The following LMO3 variants were observed in gnomAD, a reference collection of about 807,000 sequenced individuals.
LMO3 encodes the protein LIM domain only protein 3.
Under a neutral mutation model 15.8 loss-of-function variants are expected in LMO3, and 2 were observed. That is an observed-to-expected ratio of 0.13 (90% confidence interval 0.05 to 0.40). The LOEUF is 0.40. Ranked by LOEUF, LMO3 falls within the 10% of genes least tolerant of loss-of-function variation. The pLI is 0.99. For missense variants in LMO3, 86 were observed against 182.2 expected, an observed-to-expected ratio of 0.47 and a Z score of 3.04; for synonymous variants, 62 against 63.8, an observed-to-expected ratio of 0.97 and a Z score of 0.13.
upstream of LMO3, chr12:16,608,403 T>G (rs1023253568): frequency 1.3e-5 from 2 of 152,174 alleles, no homozygotes; most frequent in African/African-American, 2.4e-5. This position sits in a 1 kb window ranked among gnomAD's most constrained non-coding sequence, Gnocchi z 4.1. Flanking sequence ...GGCAACTGAT[T>G]AGTGCATCTA....
chr12:16,569,714 T>A (rs1034420837), intron 2 of LMO3, among the ~76,000 whole-genome samples: 6 of 152,174 alleles, frequency 3.9e-5, no homozygotes, highest in Non-Finnish European at 8.8e-5. Flanking sequence ...ATAAAAGAAA[T>A]GTGTCAAGCT....
At position 16,587,610 on chromosome 12, in the gene LMO3, T is replaced by A. The variant is rs1011166302; in HGVS notation, c.206+13045A>T. Among the ~76,000 whole-genome samples, 1 of 152,082 alleles carries A rather than the reference T, an allele frequency of 6.6e-6. No individual in the cohort carries two copies. Among genetic ancestry groups the A allele is most frequent in the Non-Finnish European group, 1.5e-5 (1 of 68,012 alleles). On this transcript the variant is annotated intron_variant, in intron 2 of 3. Coordinates refer to ENST00000537304, the MANE Select transcript of LMO3 (RefSeq NM_018640.5). The surrounding 1 kb of genome is among the most constrained non-coding windows in gnomAD (Gnocchi z 4.3). ...TTTTCTTAAATTGTATTTCTGTCAG[T>A]GTATCATTTTTTTAAGCAATGGACC...
At position 16,559,183 on chromosome 12, in the gene LMO3, A is replaced by C. The variant is rs1265430639; in HGVS notation, c.332+1230T>G. Among the ~76,000 whole-genome samples, 1 of 152,224 alleles carries C rather than the reference A, an allele frequency of 6.6e-6. No individual in the cohort carries two copies. The highest frequency in any genetic ancestry group is 1.5e-5 in the Non-Finnish European group (1 of 68,034). On this transcript the variant is annotated intron_variant, in intron 3 of 3. Coordinates refer to ENST00000537304, the MANE Select transcript of LMO3 (RefSeq NM_018640.5). The surrounding 1 kb of genome is among the most constrained non-coding windows in gnomAD (Gnocchi z 4.1). ...AGGTGTTCTCACAGAAAGTCAGTGA[A>C]TTCATTTTCATTAAAATCTATCAAG...
chr12:16,607,694 T>C (rs1944043773), upstream of LMO3: 1 of 144,828 alleles, frequency 6.9e-6, no homozygotes, highest in South Asian at 2.2e-4. Context: ...TATTCAATTG[T>C]TGAACTACAA....
At position 16,598,891 on chromosome 12, in the gene LMO3, T is replaced by G. The variant is rs1321355854; in HGVS notation, c.206+1764A>C. The G allele has an allele frequency of 3.4e-6, 1 of 291,562 alleles. No homozygotes were observed. Among genetic ancestry groups the G allele is most frequent in the East Asian group, 9.2e-5 (1 of 10,874 alleles). 18.1% of individuals were successfully genotyped at this position (291,562 alleles called of 1,614,324 possible). Reference sequence around the variant, plus strand: ...AGTTTACTTAATTTTTGTCCTTTGGTTTATTAAAACACCTTAACATTGCCC... The same window carrying G: ...AGTTTACTTAATTTTTGTCCTTTGGGTTATTAAAACACCTTAACATTGCCC... On this transcript the variant is annotated intron_variant, in intron 2 of 3. Transcript: ENST00000537304. The surrounding 1 kb of genome is among the most constrained non-coding windows in gnomAD (Gnocchi z 4.3).
intron 2 of LMO3, among the ~76,000 whole-genome samples, chr12:16,579,223 G>A (rs966717924): frequency 2.6e-5 from 4 of 152,014 alleles, no homozygotes; most frequent in African/African-American, 7.3e-5. Context: ...TAGGGTAACC[G>A]TCATTAAATG....
intron 3 of LMO3, among the ~76,000 whole-genome samples, chr12:16,557,183 G>A (rs537448422): frequency 6.6e-6 from 1 of 152,142 alleles, no homozygotes; most frequent in Non-Finnish European, 1.5e-5. Flanking sequence ...GCACTTGAAT[G>A]TTTTTATTTT....
chr12:16,594,417 T>G (rs369390264), intron 2 of LMO3: 1 of 563,682 alleles, frequency 1.8e-6, no homozygotes, highest in East Asian at 2.9e-5. Flanking sequence ...ACCTAGCAAA[T>G]TGAACAGAGT....
In LMO3 at chr12:16,550,600, A is replaced by G. The variant is rs1340589811; in HGVS notation, c.*622T>C. ...TTTAACCCCCTGAAAATAGGGGGTTATAACAAGAACACTGATAGACTCTAA... is the reference window on the plus strand; with the variant it reads ...TTTAACCCCCTGAAAATAGGGGGTTGTAACAAGAACACTGATAGACTCTAA... On this transcript the variant is annotated 3_prime_UTR_variant, in exon 4 of 4. Coordinates refer to ENST00000537304, the MANE Select transcript of LMO3 (RefSeq NM_018640.5). 1 of 152,382 alleles carries G rather than the reference A, an allele frequency of 6.6e-6. No individual in the cohort carries two copies. The highest frequency in any genetic ancestry group is 1.9e-4 in the East Asian group (1 of 5,188). The allele number at this position is 152,382 out of a possible 1,614,324, so 9.4% of individuals were successfully genotyped here.
intron 2 of LMO3, among the ~76,000 whole-genome samples, chr12:16,573,006 C>G (rs1942867708): frequency 6.6e-6 from 1 of 151,402 alleles, no homozygotes; most frequent in African/African-American, 2.4e-5. Flanking sequence ...TAAAGGAGTG[C>G]AATTCTTAAA....
intron 2 of LMO3, among the ~76,000 whole-genome samples, chr12:16,570,307 C>T (rs915684313): frequency 2.6e-5 from 4 of 152,102 alleles, no homozygotes; most frequent in African/African-American, 9.6e-5. Flanking sequence ...TCATAATTAC[C>T]TTCTTTTCTA....
In LMO3 at chr12:16,584,773, A is replaced by G. The variant is rs1024495970; in HGVS notation, c.206+15882T>C. ...TCTCGCCTCACAAAGCAGTGCCAAG[A>G]CTCCTTGTTAGGCTGAAAGCTCCCA... On this transcript the variant is annotated intron_variant, in intron 2 of 3. Transcript: ENST00000537304. The surrounding 1 kb of genome is among the most constrained non-coding windows in gnomAD (Gnocchi z 5.2). 6.6e-6 allele frequency among the ~76,000 whole-genome samples: 1 copy of G among 151,970 alleles called. No homozygotes were observed. Among genetic ancestry groups the G allele is most frequent in the Non-Finnish European group, 1.5e-5 (1 of 67,988 alleles).
At chr12:16,595,188 TA>T (rs1943611243) in intron 2 of LMO3, among the ~76,000 whole-genome samples, 1 of 151,406 alleles carries the variant, frequency 6.6e-6, no homozygotes, top group Non-Finnish European at 1.5e-5. Context: ...AGAAACATTA[TA>T]AAATATTTTT....
At chr12:16,571,565 A>G (rs991886090) in intron 2 of LMO3, among the ~76,000 whole-genome samples, 3 of 152,044 alleles carry the variant, frequency 2.0e-5, no homozygotes, top group Admixed American at 6.6e-5. Context: ...TGCCTAGTCT[A>G]TATACTCATG....
At chr12:16,601,640 T>C (rs1448614507) in intron 1 of LMO3, among the ~76,000 whole-genome samples, 2 of 152,152 alleles carry the variant, frequency 1.3e-5, no homozygotes, top group East Asian at 1.9e-4. Flanking sequence ...ATTTGTTTTA[T>C]AAAGGAAAGA....
At chr12:16,552,438 T>C (rs1222759171) in intron 3 of LMO3, among the ~76,000 whole-genome samples, 1 of 152,068 alleles carries the variant, frequency 6.6e-6, no homozygotes, top group Non-Finnish European at 1.5e-5. Flanking sequence ...TTTAATGTTT[T>C]GTGAAGTTGA....
chr12:16,602,650 A>G (rs1290386913), intron 1 of LMO3, among the ~76,000 whole-genome samples: 1 of 151,980 alleles, frequency 6.6e-6, no homozygotes, highest in Non-Finnish European at 1.5e-5. Flanking sequence ...AGTGTAGATT[A>G]ATCATAACCC....
At chr12:16,564,687 G>A (rs1942528333) in intron 2 of LMO3, among the ~76,000 whole-genome samples, 1 of 152,154 alleles carries the variant, frequency 6.6e-6, no homozygotes, top group Non-Finnish European at 1.5e-5. Context: ...TTTAATATTT[G>A]AGGAAAATGC....
At chr12:16,583,377 C>CTTT (rs1943226169) in intron 2 of LMO3, among the ~76,000 whole-genome samples, 1 of 151,936 alleles carries the variant, frequency 6.6e-6, no homozygotes, top group South Asian at 2.1e-4. Flanking sequence ...GATAAAGCAT[C>CTTT]TTTTTACAGA....
Sources: allele counts gnomAD v4.1 joint callset (sites outside exome capture counted in the v4.1 genomes callset), GRCh38; gene constraint gnomAD v4.1.1; non-coding constraint Gnocchi (gnomAD v3.1); transcripts MANE v1.5; gene names NCBI Gene and HGNC (gene_info 2026-07-23, HGNC 2026-07-21).